Variants in RPS6KA2 observed in about 807,000 individuals in gnomAD.
RPS6KA2 encodes ribosomal protein S6 kinase alpha-2.
Under a neutral mutation model 91.8 loss-of-function variants are expected in RPS6KA2, and 42 were observed. The ratio of observed to expected loss-of-function variants is 0.46; its 90% CI spans 0.36 to 0.59. The LOEUF is 0.59. Ranked by LOEUF, RPS6KA2 falls within the 20% of genes least tolerant of loss-of-function variation. The probability of loss-of-function intolerance (pLI) is 0.00; values close to 1 mark genes in which losing one functional copy is unlikely to be tolerated. For missense variants in RPS6KA2, 798 were observed against 978.5 expected (o/e 0.82, Z 2.46); for synonymous variants, 414 against 393.6 (o/e 1.05, Z -0.61).
At chr6:166,447,683 A>G (rs2281052) in intron 14 of RPS6KA2, among the ~76,000 whole-genome samples, 101,715 of 152,114 alleles carry the variant, frequency 0.67, 34,280 homozygotes, top group East Asian at 0.78. Context: ...CATTGTCATT[A>G]TTTTGAACAA....
intron 2 of RPS6KA2, among the ~76,000 whole-genome samples, chr6:166,764,075 G>A (rs1583092860): frequency 6.6e-6 from 1 of 152,200 alleles, no homozygotes; most frequent in African/African-American, 2.4e-5. Flanking sequence ...TGCCATGTGC[G>A]GGGCTTCTGA....
At chr6:166,793,129 C>T (rs542245194) in intron 2 of RPS6KA2, among the ~76,000 whole-genome samples, 1 of 152,298 alleles carries the variant, frequency 6.6e-6, no homozygotes. Context: ...CCAAAATCTC[C>T]TTAAGCTGAT....
intron 2 of RPS6KA2, among the ~76,000 whole-genome samples, chr6:166,684,111 C>T (rs1053051829): frequency 5.9e-5 from 9 of 152,142 alleles, no homozygotes; most frequent in African/African-American, 2.2e-4. Context: ...CCCAACCTCC[C>T]CAGTGAGGTA....
chr6:166,522,065 G>C (rs920724356), intron 3 of RPS6KA2, among the ~76,000 whole-genome samples: 1 of 152,164 alleles, frequency 6.6e-6, no homozygotes, highest in Admixed American at 6.5e-5. Context: ...GACACAGCCT[G>C]GATCTTGGAC....
At chr6:166,730,455 G>T (rs74357988) in intron 2 of RPS6KA2, among the ~76,000 whole-genome samples, 1 of 152,146 alleles carries the variant, frequency 6.6e-6, no homozygotes, top group East Asian at 1.9e-4. Context: ...ATATTCTGAT[G>T]ATTATATGAA....
rs181199884 is a variant in RPS6KA2, at chr6:166,831,096, G to C, written c.123+27104C>G. Among the ~76,000 whole-genome samples, 11 of 152,180 alleles carry C rather than the reference G, an allele frequency of 7.2e-5. No homozygotes were observed. In the East Asian group the frequency reaches 2.1e-3, roughly 30 times the overall value. On this transcript the variant is annotated intron_variant, in intron 2 of 21. Coordinates refer to the RPS6KA2 transcript ENST00000503859. ...GACCCTCCAGTGGCAGGGGGTATTGGGTCCATCCACGGAGAGAACCCCTGA... is the reference window on the plus strand; with the variant it reads ...GACCCTCCAGTGGCAGGGGGTATTGCGTCCATCCACGGAGAGAACCCCTGA...
rs1193935702 is a variant in RPS6KA2 at position 166,849,429 on chromosome 6, C to G, written c.123+8771G>C. Among the ~76,000 whole-genome samples, 1 of 152,116 alleles carries G rather than the reference C, an allele frequency of 6.6e-6. No homozygotes were observed. Among genetic ancestry groups the G allele is most frequent in the African/African-American group, 2.4e-5 (1 of 41,406 alleles). On this transcript the variant is annotated intron_variant, in intron 2 of 21. Coordinates refer to the RPS6KA2 transcript ENST00000503859. This position sits in a 1 kb window ranked among gnomAD's most constrained non-coding sequence, Gnocchi z 4.9. ...GTGCTGTCTTCTTTTTCATAGAATC[C>G]TGGTGCCCAGCACAGGGCCAGACAC...
chr6:166,821,659 C>A lies in RPS6KA2; in HGVS notation c.123+36541G>T, dbSNP rs1419019806. Reference sequence around the variant, plus strand: ...ACTATTGCTGTGCCCCAGATTTCCACTCGGAGCCCTCATCCCTTCATAATC... The same window carrying A: ...ACTATTGCTGTGCCCCAGATTTCCAATCGGAGCCCTCATCCCTTCATAATC... On this transcript the variant is annotated intron_variant, in intron 2 of 21. Transcript: ENST00000503859. This position sits in a 1 kb window ranked among gnomAD's most constrained non-coding sequence, Gnocchi z 4.1. Among the ~76,000 whole-genome samples, 1 of 152,090 alleles carries A rather than the reference C, an allele frequency of 6.6e-6. No homozygotes were observed. The highest frequency in any genetic ancestry group is 1.9e-4 in the East Asian group (1 of 5,186).
Position 166,687,255 on chromosome 6 carries a change from A to C in RPS6KA2, c.124-148471T>G, listed in dbSNP as rs978087893. ...GTGCGATACCTGCCTCGCTTCGTTG[A>C]CCCTGACAAGGTCACAGGGCAGGGG... On this transcript the variant is annotated intron_variant, in intron 2 of 21. Coordinates refer to the RPS6KA2 transcript ENST00000503859. Among the ~76,000 whole-genome samples, 17 of 152,252 alleles carry C rather than the reference A, an allele frequency of 1.1e-4. No individual in the cohort carries two copies. In the East Asian group the frequency reaches 3.3e-3, roughly 29 times the overall value.
At chr6:166,772,546 A>G (rs1161084637) in intron 2 of RPS6KA2, among the ~76,000 whole-genome samples, 2 of 152,242 alleles carry the variant, frequency 1.3e-5, no homozygotes, top group Non-Finnish European at 2.9e-5. Flanking sequence ...TAACTTGAAA[A>G]AGATGGTGAG....
upstream of RPS6KA2, chr6:166,627,690 C>T (rs1786947841): frequency 6.6e-6 from 1 of 152,240 alleles, no homozygotes; most frequent in Non-Finnish European, 1.5e-5. Flanking sequence ...TGCAGCTGCT[C>T]CGGAGCCGCG....
intron 16 of RPS6KA2, among the ~76,000 whole-genome samples, chr6:166,425,267 A>T (rs894745972): frequency 6.6e-6 from 1 of 152,296 alleles, no homozygotes; most frequent in African/African-American, 2.4e-5. Flanking sequence ...AAAAAATTTT[A>T]AAATTTGAGC....
intron 4 of RPS6KA2, 94 bp downstream of exon 4, chr6:166,510,183 C>A: frequency 1.3e-6 from 1 of 776,650 alleles, no homozygotes; most frequent in South Asian, 1.8e-5. Context: ...GAAAGATTTT[C>A]TTCTTTCTGA....
chr6:166,509,553 CT>C, intron 4 of RPS6KA2: 1 of 155,848 alleles, frequency 6.4e-6, no homozygotes. Flanking sequence ...GACACACCAC[CT>C]TGCCCTTTGC....
rs1233993791 is a variant in RPS6KA2, at chr6:166,702,362, T to C, written c.123+155838A>G. ...GGGGTTTTGCTGGGTGGCCATTTCA[T>C]CAGGGATATAGGCTACTTTCAAGGT... On this transcript the variant is annotated intron_variant, in intron 2 of 21. Transcript: ENST00000503859. 1.9e-5 allele frequency: 31 copies of C among 1,610,636 alleles called. No homozygotes were observed. In the Admixed American group the frequency reaches 5.2e-4, roughly 27 times the overall value.
intron 15 of RPS6KA2, 24 bp from the exon 16 acceptor site, chr6:166,430,635 C>A (rs375513178): frequency 1.4e-5 from 22 of 1,596,384 alleles, no homozygotes; most frequent in Non-Finnish European, 1.9e-5. Flanking sequence ...AAGGGGCGCA[C>A]ACGTCACCAC....
intron 2 of RPS6KA2, among the ~76,000 whole-genome samples, chr6:166,793,357 T>C (rs1207283131): frequency 1.4e-5 from 2 of 146,444 alleles, no homozygotes; most frequent in Non-Finnish European, 3.0e-5. Context: ...TAAAAGAGGA[T>C]ACAAACAAAT....
intron 17 of RPS6KA2, among the ~76,000 whole-genome samples, chr6:166,420,813 G>T (rs574540276): frequency 1.3e-5 from 2 of 152,330 alleles, no homozygotes; most frequent in South Asian, 4.1e-4. Flanking sequence ...TGTTAAAGCA[G>T]CAAAACTTGT....
chr6:166,495,008 C>A lies in RPS6KA2; in HGVS notation c.747+3500G>T, dbSNP rs558472214. Among the ~76,000 whole-genome samples, 29 of 152,346 alleles carry A rather than the reference C, an allele frequency of 1.9e-4. No homozygotes were observed. The East Asian group carries it at 5.4e-3, about 28-fold the overall frequency. On this transcript the variant is annotated intron_variant, in intron 8 of 20. Transcript: ENST00000265678. This position sits in a 1 kb window ranked among gnomAD's most constrained non-coding sequence, Gnocchi z 4.4. ...AATTCAGAAGTCACTTCTGATGCCA[C>A]CCACGGACGTGTGGGAAGCGTGGGG...
Sources: allele counts gnomAD v4.1 joint callset (sites outside exome capture counted in the v4.1 genomes callset), GRCh38; gene constraint gnomAD v4.1.1; non-coding constraint Gnocchi (gnomAD v3.1); transcripts MANE v1.5; gene names NCBI Gene and HGNC (gene_info 2026-07-23, HGNC 2026-07-21).